EYS: variants seen among roughly 807,000 people sequenced by gnomAD.
EYS encodes EGF-like photoreceptor maintenance factor.
EYS carries 250 observed loss-of-function variants against 282.1 expected under a neutral mutation model. The observed-to-expected ratio is 0.89, with a 90% CI of 0.80 to 0.98. EYS has a LOEUF of 0.98. EYS is among the 50% of genes least tolerant of loss of function. The pLI is 0.00. For missense variants in EYS, 4,016 were observed against 3,709.0 expected (o/e 1.08, Z -2.15); for synonymous variants, 1,355 against 1,282.9 (o/e 1.06, Z -1.20).
At chr6:63,822,849 C>A in intron 36 of EYS, among the ~76,000 whole-genome samples, 1 of 152,134 alleles carries the variant, frequency 6.6e-6, no homozygotes, top group Non-Finnish European at 1.5e-5. Flanking sequence ...TTTAGTGTTT[C>A]ACCACTAGGA....
At chr6:65,062,652 G>C (rs1003452859) in intron 12 of EYS, among the ~76,000 whole-genome samples, 2 of 151,854 alleles carry the variant, frequency 1.3e-5, no homozygotes, top group Non-Finnish European at 2.9e-5. Flanking sequence ...TTATTTTCCA[G>C]CCACACTGAA....
At position 64,307,053 on chromosome 6, in the gene EYS, G is replaced by A. The variant is rs1408475124; in HGVS notation, c.6108C>T (p.Gly2036=). ...QMPVPVKNFT[G]CIEVIEINNW... ...TATTTATTTCTATAACTTCTATGCAGCCAGTAAAATTCTTGACTGGTACAG... is the reference window on the plus strand; with the variant it reads ...TATTTATTTCTATAACTTCTATGCAACCAGTAAAATTCTTGACTGGTACAG... The change falls in exon 30 of 43, where the codon GGC becomes GGT. Residue 2036 remains glycine (G), a synonymous_variant. Coordinates refer to ENST00000503581, the MANE Select transcript of EYS (RefSeq NM_001142800.2). 3 of 1,537,418 alleles carry A rather than the reference G, an allele frequency of 2.0e-6. No homozygotes were observed. Among genetic ancestry groups the A allele is most frequent in the Non-Finnish European group, 2.6e-6 (3 of 1,135,154 alleles).
At chr6:64,036,791 A>G (rs1026183527) in intron 33 of EYS, among the ~76,000 whole-genome samples, 1 of 152,236 alleles carries the variant, frequency 6.6e-6, no homozygotes, top group Non-Finnish European at 1.5e-5. Context: ...CTTTCAATCT[A>G]TGATGTAATA....
intron 39 of EYS, among the ~76,000 whole-genome samples, chr6:63,780,504 A>T (rs762172565): frequency 6.6e-6 from 1 of 152,106 alleles, no homozygotes; most frequent in Non-Finnish European, 1.5e-5. Flanking sequence ...GCCACTGATG[A>T]TGAGCATTTT....
chr6:64,222,835 A>G (rs764684229), intron 31 of EYS, among the ~76,000 whole-genome samples: 2 of 152,074 alleles, frequency 1.3e-5, no homozygotes, highest in South Asian at 2.1e-4. Context: ...GCTGATTACA[A>G]ATTTAAAATA....
chr6:65,590,221 TC>T (rs1307745301), intron 2 of EYS, among the ~76,000 whole-genome samples: 3 of 152,054 alleles, frequency 2.0e-5, no homozygotes, highest in Non-Finnish European at 4.4e-5. Flanking sequence ...AGTTCTTTCT[TC>T]CACTACCACA....
At position 63,720,525 on chromosome 6, in the gene EYS, A is replaced by T. The variant is rs1768331164; in HGVS notation, c.*71T>A. ...GTAAACAGTTGATTCCCCGTAAGCAATGTATCAAAGAAATAACTATCAAAA... is the reference window on the plus strand; with the variant it reads ...GTAAACAGTTGATTCCCCGTAAGCATTGTATCAAAGAAATAACTATCAAAA... On this transcript the variant is annotated 3_prime_UTR_variant, in exon 43 of 43. Transcript: ENST00000503581. 9.0e-7 allele frequency: 1 copy of T among 1,106,550 alleles called. No homozygotes were observed. The highest frequency in any genetic ancestry group is 2.6e-5 in the East Asian group (1 of 37,994). 68.5% of individuals were successfully genotyped at this position (1,106,550 alleles called of 1,614,324 possible).
At chr6:64,421,796 T>G (rs1286270963) in intron 28 of EYS, among the ~76,000 whole-genome samples, 1 of 151,862 alleles carries the variant, frequency 6.6e-6, no homozygotes, top group Non-Finnish European at 1.5e-5. Context: ...TTTCAAATAT[T>G]TCAGGGAGGG....
chr6:65,179,131 C>T (rs868262352), intron 12 of EYS, among the ~76,000 whole-genome samples: 25 of 151,938 alleles, frequency 1.6e-4, no homozygotes, highest in Admixed American at 5.9e-4. Flanking sequence ...AATTGACACC[C>T]TAACATCACA....
chr6:63,886,420 A>G (rs1336617832), intron 35 of EYS, among the ~76,000 whole-genome samples: 1 of 152,168 alleles, frequency 6.6e-6, no homozygotes, highest in Non-Finnish European at 1.5e-5. Flanking sequence ...AAACAAAAGG[A>G]AAAAGTTGTA....
chr6:64,001,274 C>T (rs1768082823), intron 33 of EYS, among the ~76,000 whole-genome samples: 1 of 152,066 alleles, frequency 6.6e-6, no homozygotes, highest in South Asian at 2.1e-4. Context: ...TATTAAAATC[C>T]AAGTTAAAGC....
At chr6:65,533,789 G>GA (rs1222981125) in intron 2 of EYS, among the ~76,000 whole-genome samples, 2 of 152,010 alleles carry the variant, frequency 1.3e-5, no homozygotes, top group African/African-American at 2.4e-5. Flanking sequence ...CTCTAGAACT[G>GA]AAAAAAATAC....
At chr6:63,757,058 A>G (rs1345944549) in intron 41 of EYS, among the ~76,000 whole-genome samples, 1 of 152,168 alleles carries the variant, frequency 6.6e-6, no homozygotes, top group Non-Finnish European at 1.5e-5. Context: ...AGGGAAGACA[A>G]TCATAAGGTC....
intron 29 of EYS, among the ~76,000 whole-genome samples, chr6:64,345,271 A>G (rs1249666017): frequency 1.3e-5 from 2 of 151,948 alleles, no homozygotes; most frequent in South Asian, 2.1e-4. Flanking sequence ...GAACAAAGCC[A>G]GAGGCATCAT....
At chr6:65,081,262 T>C (rs894338129) in intron 12 of EYS, among the ~76,000 whole-genome samples, 1 of 152,006 alleles carries the variant, frequency 6.6e-6, no homozygotes, top group African/African-American at 2.4e-5. Context: ...TTCTAGTAAA[T>C]CACTATGATT....
intron 13 of EYS, among the ~76,000 whole-genome samples, chr6:65,012,670 G>T (rs1174898249): frequency 7.1e-6 from 1 of 141,694 alleles, no homozygotes; most frequent in Non-Finnish European, 1.5e-5. Flanking sequence ...AAATAGTAAG[G>T]GGGACTGCCT....
intron 35 of EYS, among the ~76,000 whole-genome samples, chr6:63,868,372 G>T (rs537833577): frequency 6.6e-6 from 1 of 152,122 alleles, no homozygotes; most frequent in Non-Finnish European, 1.5e-5. Flanking sequence ...TGAAAAGGGT[G>T]CCCACTACTT....
intron 12 of EYS, among the ~76,000 whole-genome samples, chr6:65,120,164 A>C (rs1393482930): frequency 2.0e-5 from 3 of 149,672 alleles, no homozygotes; most frequent in East Asian, 1.9e-4. Context: ...AAAAAAAAAA[A>C]AACAAAAACA....
intron 15 of EYS, among the ~76,000 whole-genome samples, chr6:64,924,235 C>T (rs1316084739): frequency 2.6e-5 from 4 of 152,230 alleles, no homozygotes; most frequent in African/African-American, 7.2e-5. Context: ...CTTAGGGCTT[C>T]CACCCTCTGA....
Sources: gnomAD v4.1 joint callset for allele counts (sites outside exome capture counted in the v4.1 genomes callset) on GRCh38, gnomAD v4.1.1 for gene constraint, MANE v1.5 for transcripts, NCBI Gene and HGNC (gene_info 2026-07-23, HGNC 2026-07-21) for gene names.